Variants in UTP6 observed in about 807,000 individuals in gnomAD.
The protein encoded by UTP6 is U3 small nucleolar RNA-associated protein 6 homolog.
UTP6 carries 60 observed loss-of-function variants against 96.5 expected under a neutral mutation model. That is an observed-to-expected ratio of 0.62 (90% CI 0.51 to 0.77). UTP6 has a LOEUF of 0.77. Ranked by LOEUF, UTP6 falls within the 30% of genes least tolerant of loss-of-function variation. The pLI, the probability that UTP6 is intolerant of heterozygous loss-of-function variation, is 0.00. For synonymous variants in UTP6, 215 were observed against 240.1 expected (o/e 0.90, Z 0.96); for missense variants, 637 against 706.5 (o/e 0.90, Z 1.12).
chr17:31,897,987 C>T (rs1904755924), intron 2 of UTP6, among the ~76,000 whole-genome samples: 1 of 152,100 alleles, frequency 6.6e-6, no homozygotes, highest in Non-Finnish European at 1.5e-5. Context: ...ATCACATTCA[C>T]TCTCCTCTAT....
intron 16 of UTP6, among the ~76,000 whole-genome samples, chr17:31,872,854 G>A (rs1487337321): frequency 6.9e-6 from 1 of 145,818 alleles, no homozygotes; most frequent in East Asian, 2.0e-4. Context: ...AAAATTAGCC[G>A]GGCGTGGTGT....
At chr17:31,884,562 T>TA in intron 9 of UTP6, 57 bp from the exon 10 acceptor site, 1 of 1,335,088 alleles carries the variant, frequency 7.5e-7, no homozygotes, top group East Asian at 2.4e-5. Flanking sequence ...CACTTTACTT[T>TA]AAAAGTAGCA....
intron 9 of UTP6, among the ~76,000 whole-genome samples, chr17:31,885,319 ATT>A (rs1435435398): frequency 6.6e-6 from 1 of 151,138 alleles, no homozygotes; most frequent in East Asian, 2.0e-4. Context: ...TAATTTTTGT[ATT>A]TTTAGTAGAA....
intron 2 of UTP6, among the ~76,000 whole-genome samples, chr17:31,895,935 C>T: frequency 6.7e-6 from 1 of 150,228 alleles, no homozygotes; most frequent in South Asian, 2.1e-4. Context: ...GGAGGCTGAT[C>T]AGGAGGTAGA....
chr17:31,878,601 A>G, intron 12 of UTP6, 101 bp downstream of exon 12: 1 of 1,165,118 alleles, frequency 8.6e-7, no homozygotes, highest in East Asian at 2.3e-5. Context: ...TAAACATAAA[A>G]GTTCTCAGAA....
At position 31,895,009 on chromosome 17, in the gene UTP6, A is replaced by T; in HGVS notation, c.180T>A (p.Tyr60Ter). Residue 60 changes from tyrosine to a stop codon, truncating the protein, a stop_gained and splice_region_variant, in exon 3 of 19, where the codon TAT (tyrosine) becomes TAA (stop). Transcript: ENST00000261708. LOFTEE classifies it high-confidence loss of function. ...GGATCAGCTCCAAAAGATTAATTTC[A>T]TACTATGAAAGAAAAACATACAAAA... ...FKEDFINYVQYEINLLELIQR... is the reference protein window; with the variant it reads ...FKEDFINYVQ 1 of 1,526,842 alleles carries T rather than the reference A, an allele frequency of 6.5e-7. No homozygotes were observed. The allele number at this position is 1,526,842 out of a possible 1,614,324, so 94.6% of individuals were successfully genotyped here.
chr17:31,873,273 A>G, intron 16 of UTP6, 105 bp downstream of exon 16: 2 of 1,098,672 alleles, frequency 1.8e-6, no homozygotes, highest in Admixed American at 2.2e-5. Flanking sequence ...GAAAAAGTGT[A>G]TCAGATTACT....
At chr17:31,878,122 A>G in intron 13 of UTP6, 128 bp downstream of exon 13, 1 of 824,614 alleles carries the variant, frequency 1.2e-6, no homozygotes, top group Non-Finnish European at 1.9e-6. Flanking sequence ...ATATAAACAC[A>G]CTTCACATAC....
intron 4 of UTP6, 116 bp downstream of exon 4, chr17:31,894,529 G>T (rs1408642247): frequency 4.3e-6 from 3 of 704,096 alleles, no homozygotes; most frequent in South Asian, 4.0e-5. Context: ...ACCATCATTA[G>T]AGTAAGTATA....
chr17:31,873,955 T>C, intron 14 of UTP6: 1 of 536,478 alleles, frequency 1.9e-6, no homozygotes, highest in East Asian at 3.5e-5. Flanking sequence ...TCCCAAACAG[T>C]CCTCATTGTG....
At chr17:31,868,836 G>A (rs967173000) in intron 16 of UTP6, among the ~76,000 whole-genome samples, 2 of 152,130 alleles carry the variant, frequency 1.3e-5, no homozygotes, top group Admixed American at 6.5e-5. Flanking sequence ...ATCCACGGCC[G>A]GGCATGGTGG....
At chr17:31,882,093 C>T (rs747588575) in intron 10 of UTP6, among the ~76,000 whole-genome samples, 6 of 152,124 alleles carry the variant, frequency 3.9e-5, no homozygotes, top group Non-Finnish European at 7.3e-5. Context: ...TGCAGTGGCA[C>T]GATCTCAACT....
At chr17:31,881,671 T>C (rs1910852189) in intron 10 of UTP6, among the ~76,000 whole-genome samples, 2 of 152,048 alleles carry the variant, frequency 1.3e-5, no homozygotes, top group South Asian at 4.1e-4. Flanking sequence ...CAGTTATCTG[T>C]GACAACACAA....
chr17:31,894,742 AG>A lies in UTP6; in HGVS notation c.220-6del, dbSNP rs1460574488. The A allele has an allele frequency of 6.2e-7, 1 of 1,603,824 alleles. No homozygotes were observed. The highest frequency in any genetic ancestry group is 8.5e-7 in the Non-Finnish European group (1 of 1,173,402). On this transcript the variant is annotated splice_polypyrimidine_tract_variant and splice_region_variant and intron_variant, in intron 3 of 18. Transcript: ENST00000261708. ...CTTAAATGAATATCCAATGCGCTAA[AG>A]GGGGACATAAAAAAACAGAGCCTCA...
intron 14 of UTP6, chr17:31,874,029 A>G: frequency 2.7e-6 from 1 of 367,286 alleles, no homozygotes; most frequent in Non-Finnish European, 4.9e-6. Flanking sequence ...TGACCAAGTC[A>G]CTCAGAGCAA....
chr17:31,871,353 G>A (rs542713512), intron 16 of UTP6, among the ~76,000 whole-genome samples: 1 of 152,146 alleles, frequency 6.6e-6, no homozygotes, highest in East Asian at 1.9e-4. Context: ...AAATGCTTGG[G>A]ATCAAGCAAT....
At chr17:31,884,577 T>C (rs2142310295) in intron 9 of UTP6, 72 bp from the exon 10 acceptor site, 5 of 1,165,758 alleles carry the variant, frequency 4.3e-6, no homozygotes, top group Non-Finnish European at 3.7e-6. Flanking sequence ...GTAGCATTCT[T>C]TTCATGTACT....
intron 9 of UTP6, among the ~76,000 whole-genome samples, chr17:31,885,208 G>A (rs1006613837): frequency 1.3e-5 from 2 of 151,798 alleles, no homozygotes; most frequent in African/African-American, 2.4e-5. Flanking sequence ...TTGCCCAGGC[G>A]CTCTCAGCTC....
At position 31,875,497 on chromosome 17, in the gene UTP6, G is replaced by T. The variant is rs189160313; in HGVS notation, c.1126-84C>A. ...AATGTAAACCTATGCCTCATTTGAG[G>T]CAAGAATTTCACCAACCTTTCCACT... On this transcript the variant is annotated intron_variant, in intron 13 of 18. Transcript: ENST00000261708. The T allele has an allele frequency of 1.4e-4, 211 of 1,466,134 alleles. No homozygotes were observed. In the African/African-American group the frequency reaches 2.7e-3, roughly 19 times the overall value. 90.8% of individuals were successfully genotyped at this position (1,466,134 alleles called of 1,614,324 possible).
Sources: allele counts gnomAD v4.1 joint callset (sites outside exome capture counted in the v4.1 genomes callset), GRCh38; gene constraint gnomAD v4.1.1; transcripts MANE v1.5; gene names NCBI Gene and HGNC (gene_info 2026-07-23, HGNC 2026-07-21).